The following B3GALT1 variants were observed in gnomAD, a reference collection of about 807,000 sequenced individuals.
B3GALT1 encodes beta-1,3-galactosyltransferase 1.
A neutral mutation model predicts 23.2 loss-of-function variants in B3GALT1; 10 were observed. The observed-to-expected ratio is 0.43, with a 90% CI of 0.27 to 0.73. The LOEUF (loss-of-function observed/expected upper bound fraction) is 0.73, where lower values mean the gene tolerates loss of function less well. B3GALT1 is among the 30% of genes least tolerant of loss of function. The pLI, the probability that B3GALT1 is intolerant of heterozygous loss-of-function variation, is 0.21. For missense variants in B3GALT1, 299 were observed against 405.4 expected (o/e 0.74, Z 2.25); for synonymous variants, 156 against 141.5 (o/e 1.10, Z -0.73).
intron 1 of B3GALT1, among the ~76,000 whole-genome samples, chr2:167,436,744 A>T (rs900842352): frequency 2.0e-5 from 3 of 152,098 alleles, no homozygotes; most frequent in Non-Finnish European, 4.4e-5. Context: ...GTAGTCATCT[A>T]GTTTGCTCAT....
intron 1 of B3GALT1, among the ~76,000 whole-genome samples, chr2:167,330,718 T>C (rs1238681403): frequency 6.6e-6 from 1 of 152,228 alleles, no homozygotes; most frequent in Non-Finnish European, 1.5e-5. Flanking sequence ...TTTGGTAAAT[T>C]TCTCATTCAT....
At chr2:167,817,442 G>A (rs927883153) in intron 3 of B3GALT1, among the ~76,000 whole-genome samples, 2 of 152,144 alleles carry the variant, frequency 1.3e-5, no homozygotes, top group Non-Finnish European at 2.9e-5. Flanking sequence ...TAGGATTCAG[G>A]TACCGTCATC....
In B3GALT1 at chr2:167,510,395, A is replaced by C. The variant is rs539885646; in HGVS notation, c.-410+20118A>C. On this transcript the variant is annotated intron_variant, in intron 2 of 4. Coordinates refer to ENST00000392690, the MANE Select transcript of B3GALT1 (RefSeq NM_020981.4). ...TGGAACCATGCCTTATAAATTCATG[A>C]TTGCAAGTTTTGTTTTTTTTTTTTT... 4.2e-5 allele frequency among the ~76,000 whole-genome samples: 6 copies of C among 143,918 alleles called. No individual in the cohort carries two copies. In the South Asian group the frequency reaches 1.1e-3, roughly 26 times the overall value. The allele number at this position is 143,918 out of a possible 152,430, so 94.4% of individuals were successfully genotyped here. A position where few individuals can be genotyped will look rare whatever the true frequency, so the allele number is the denominator to read the frequency against.
intron 4 of B3GALT1, among the ~76,000 whole-genome samples, chr2:167,855,299 C>T (rs1171852140): frequency 6.6e-6 from 1 of 152,060 alleles, no homozygotes. Flanking sequence ...GTGTATAGAC[C>T]TACATATTAC....
At chr2:167,735,107 T>C (rs1687472025) in intron 3 of B3GALT1, among the ~76,000 whole-genome samples, 1 of 152,198 alleles carries the variant, frequency 6.6e-6, no homozygotes, top group South Asian at 2.1e-4. Context: ...ATCGTAAATA[T>C]AAATCAGCTG....
chr2:167,375,588 T>G lies in B3GALT1; in HGVS notation c.-511+82254T>G, dbSNP rs148797071. On this transcript the variant is annotated intron_variant, in intron 1 of 4. Transcript: ENST00000392690. ...TTAGATATATTCCTAGGTATTTTTT[T>G]TGTGTGTGGCTATTGTAAATGGGAT... Among the ~76,000 whole-genome samples the G allele has an allele frequency of 6.7e-3, 1,016 of 152,258 alleles. 7 individuals are homozygous for G. The highest frequency in any genetic ancestry group is 0.02 in the African/African-American group (839 of 41,552).
chr2:167,671,862 G>T (rs574265293), intron 3 of B3GALT1, among the ~76,000 whole-genome samples: 11 of 151,884 alleles, frequency 7.2e-5, no homozygotes, highest in Non-Finnish European at 1.6e-4. Flanking sequence ...TTTTTGAAAA[G>T]ATTGACATTT....
chr2:167,652,997 C>G (rs1270660687), intron 3 of B3GALT1, among the ~76,000 whole-genome samples: 1 of 151,996 alleles, frequency 6.6e-6, no homozygotes, highest in Non-Finnish European at 1.5e-5. Flanking sequence ...AAAGAAAAAC[C>G]ACCTCACCTA....
intron 1 of B3GALT1, among the ~76,000 whole-genome samples, chr2:167,429,140 G>C (rs1698668269): frequency 6.6e-6 from 1 of 151,940 alleles, no homozygotes; most frequent in Admixed American, 6.6e-5. Flanking sequence ...AATTAGCCGG[G>C]CATGGTGGCG....
At chr2:167,803,200 T>C (rs1688674817) in intron 3 of B3GALT1, among the ~76,000 whole-genome samples, 1 of 151,816 alleles carries the variant, frequency 6.6e-6, no homozygotes, top group Admixed American at 6.6e-5. Context: ...AGCCAATCCT[T>C]AAAAAAATTG....
intron 3 of B3GALT1, among the ~76,000 whole-genome samples, chr2:167,709,325 C>T (rs1348950505): frequency 6.6e-6 from 1 of 152,134 alleles, no homozygotes; most frequent in Non-Finnish European, 1.5e-5. Context: ...CAGATAATAC[C>T]TTCTGAGCAC....
intron 1 of B3GALT1, among the ~76,000 whole-genome samples, chr2:167,489,228 T>C (rs1167864454): frequency 1.3e-5 from 2 of 152,178 alleles, no homozygotes; most frequent in East Asian, 1.9e-4. Flanking sequence ...TCCAGTGTTA[T>C]ACATCACTAC....
chr2:167,357,624 G>A (rs1250538274), intron 1 of B3GALT1, among the ~76,000 whole-genome samples: 1 of 152,024 alleles, frequency 6.6e-6, no homozygotes, highest in African/African-American at 2.4e-5. Flanking sequence ...GGACCAATAT[G>A]GTGCTTAAGA....
At chr2:167,473,162 T>C (rs1028171027) in intron 1 of B3GALT1, among the ~76,000 whole-genome samples, 2 of 152,170 alleles carry the variant, frequency 1.3e-5, no homozygotes, top group Non-Finnish European at 2.9e-5. Context: ...TAAATACTTA[T>C]TGGACAACTA....
At chr2:167,389,508 C>T (rs372449858) in intron 1 of B3GALT1, among the ~76,000 whole-genome samples, 12 of 152,070 alleles carry the variant, frequency 7.9e-5, no homozygotes, top group African/African-American at 2.2e-4. Context: ...CTGATGCTAC[C>T]GCTGTTAGGG....
chr2:167,412,132 AAAT>A (rs1698402299), intron 1 of B3GALT1, among the ~76,000 whole-genome samples: 1 of 2,306 alleles, frequency 4.3e-4, no homozygotes, highest in African/African-American at 4.6e-4. Context: ...ACGGTAGAAC[AAAT>A]AAATAAGTAA....
At chr2:167,549,258 A>G (rs1229869853) in intron 2 of B3GALT1, among the ~76,000 whole-genome samples, 4 of 152,170 alleles carry the variant, frequency 2.6e-5, no homozygotes, top group East Asian at 1.9e-4. Flanking sequence ...TAGTATCCCT[A>G]TTTTGCAAAG....
In B3GALT1 at chr2:167,408,109, G is replaced by A. The variant is rs556877035; in HGVS notation, c.-510-82068G>A. On this transcript the variant is annotated intron_variant, in intron 1 of 4. Transcript: ENST00000392690. ...CTACAGGCCAATATCACTGGTGAAC[G>A]TAGACACAAAATCTTCAACAAAATG... 4.1e-5 allele frequency among the ~76,000 whole-genome samples: 6 copies of A among 146,294 alleles called. No homozygotes were observed. The South Asian group carries it at 6.5e-4, about 16-fold the overall frequency.
chr2:167,480,899 C>G (rs539780921), intron 1 of B3GALT1, among the ~76,000 whole-genome samples: 15 of 152,264 alleles, frequency 9.9e-5, no homozygotes, highest in African/African-American at 3.6e-4. Flanking sequence ...TTTCACTTTC[C>G]CTATCTCTCC....
Sources: allele counts gnomAD v4.1 joint callset (sites outside exome capture counted in the v4.1 genomes callset), GRCh38; gene constraint gnomAD v4.1.1; transcripts MANE v1.5; gene names NCBI Gene and HGNC (gene_info 2026-07-23, HGNC 2026-07-21).